Variants in PLEKHM1 observed in about 807,000 individuals in gnomAD.
The protein encoded by PLEKHM1 is pleckstrin homology and RUN domain containing M1, also known as pleckstrin homology domain-containing family M member 1.
In PLEKHM1, 28 loss-of-function variants were observed where a neutral mutation model predicts 94.3. That is an observed-to-expected ratio of 0.30 (90% CI 0.22 to 0.41). The LOEUF (loss-of-function observed/expected upper bound fraction) is 0.41. Ranked by LOEUF, PLEKHM1 falls within the 10% of genes least tolerant of loss-of-function variation. PLEKHM1 has a pLI of 1.00. For synonymous variants in PLEKHM1, 424 were observed against 581.2 expected (o/e 0.73, Z 3.89); for missense variants, 907 against 1,358.6 (o/e 0.67, Z 5.22).
chr17:45,478,608 T>C (rs1360384143), intron 2 of PLEKHM1, among the ~76,000 whole-genome samples: 1 of 152,118 alleles, frequency 6.6e-6, no homozygotes, highest in East Asian at 1.9e-4. Context: ...AAACAAACAA[T>C]AAACACCCAC....
In PLEKHM1 at chr17:45,445,454, C is replaced by A; in HGVS notation, c.2837+16G>T. ...GTGTACGTGCACTCACACGCATACA[C>A]GTAGAGGTTGCTCACCTCTTGCTGA... On this transcript the variant is annotated intron_variant, in intron 9 of 11. Transcript: ENST00000430334. This position sits in a 1 kb window ranked among gnomAD's most constrained non-coding sequence, Gnocchi z 4.2. 6.2e-7 allele frequency: 1 copy of A among 1,604,644 alleles called. No homozygotes were observed. Among genetic ancestry groups the A allele is most frequent in the Non-Finnish European group, 8.5e-7 (1 of 1,171,532 alleles).
chr17:45,440,359 T>A, intron 9 of PLEKHM1, 133 bp from the exon 10 acceptor site: 3 of 872,156 alleles, frequency 3.4e-6, no homozygotes, highest in East Asian at 2.5e-5. Context: ...GGGCTAGGAG[T>A]GTAATTCGGC....
Position 45,440,193 on chromosome 17 carries a change from C to G in PLEKHM1, c.2871G>C (p.Pro957=). The change falls in exon 10 of 12, where the codon CCG becomes CCC. Residue 957 remains proline (P), a synonymous_variant. Transcript: ENST00000430334. ...GGAGGTCAGCAACACTGAACCTATG[C>G]GGAGATTCCAAGAGATAATTCCTGT... The part of the protein sequence containing the change: ...LNHRNYLLES[P]HRFSVADLQQ... 1.9e-6 allele frequency: 3 copies of G among 1,614,158 alleles called. No homozygotes were observed. Among genetic ancestry groups the G allele is most frequent in the Non-Finnish European group, 2.5e-6 (3 of 1,179,994 alleles).
chr17:45,451,509 C>T lies in PLEKHM1; in HGVS notation c.2498-746G>A, dbSNP rs576898299. ...TTGGGACCAGAGGGCGGGTTCTGCTCCTCACCAGCTGCCTCACCCTGACCT... is the reference window on the plus strand; with the variant it reads ...TTGGGACCAGAGGGCGGGTTCTGCTTCTCACCAGCTGCCTCACCCTGACCT... On this transcript the variant is annotated intron_variant, in intron 7 of 11. Transcript: ENST00000430334. Among the ~76,000 whole-genome samples, 67 of 152,358 alleles carry T rather than the reference C, an allele frequency of 4.4e-4. 2 individuals carry two copies. The highest frequency in any genetic ancestry group is 1.6e-3 in the African/African-American group (65 of 41,590).
chr17:45,451,517 G>C (rs2050774686), intron 7 of PLEKHM1, among the ~76,000 whole-genome samples: 1 of 152,226 alleles, frequency 6.6e-6, no homozygotes. Context: ...CTCCTCACCA[G>C]CTGCCTCACC....
chr17:45,456,901 G>A lies in PLEKHM1; in HGVS notation c.1579+1268C>T, dbSNP rs2050968021. ...CCTTGCTGTAAAAAGCACTGGGGAGGTCGGGCATAGTGGCTCACACCTGTA... is the reference window on the plus strand; with the variant it reads ...CCTTGCTGTAAAAAGCACTGGGGAGATCGGGCATAGTGGCTCACACCTGTA... On this transcript the variant is annotated intron_variant, in intron 6 of 11. Coordinates refer to ENST00000430334, the MANE Select transcript of PLEKHM1 (RefSeq NM_014798.3). 2.0e-5 allele frequency among the ~76,000 whole-genome samples: 3 copies of A among 152,246 alleles called. No individual in the cohort carries two copies. The South Asian group carries it at 6.2e-4, about 32-fold the overall frequency.
At position 45,437,794 on chromosome 17, in the gene PLEKHM1, A is replaced by C; in HGVS notation, c.*64T>G. The C allele has an allele frequency of 7.6e-7, 1 of 1,314,386 alleles. No individual in the cohort carries two copies. The highest frequency in any genetic ancestry group is 1.2e-5 in the South Asian group (1 of 85,120). The allele number at this position is 1,314,386 out of a possible 1,614,324, so 81.4% of individuals were successfully genotyped here. A position where few individuals can be genotyped will look rare whatever the true frequency, so the allele number is the denominator to read the frequency against. On this transcript the variant is annotated 3_prime_UTR_variant, in exon 12 of 12. Coordinates refer to ENST00000430334, the MANE Select transcript of PLEKHM1 (RefSeq NM_014798.3). This position sits in a 1 kb window ranked among gnomAD's most constrained non-coding sequence, Gnocchi z 4.0. ...GGTGAGTATCCTGGGCTGATGGCAA[A>C]CCCAGCCGGGATGGCTGAGCCACAC...
chr17:45,443,752 T>C (rs1164429893), intron 9 of PLEKHM1, among the ~76,000 whole-genome samples: 3 of 152,046 alleles, frequency 2.0e-5, no homozygotes, highest in East Asian at 1.9e-4. Context: ...CCCCAGAGAT[T>C]TCACCACCTG....
chr17:45,436,964 C>T lies in PLEKHM1; in HGVS notation c.*894G>A, dbSNP rs1266281839. On this transcript the variant is annotated 3_prime_UTR_variant, in exon 12 of 12. Coordinates refer to ENST00000430334, the MANE Select transcript of PLEKHM1 (RefSeq NM_014798.3). ...ACCCACCAAGGTGGGCCTGGAGCAT[C>T]TGCAGCAGCGCCCCTGTCTGTAGAG... 2.2e-6 allele frequency: 1 copy of T among 448,152 alleles called. No individual in the cohort carries two copies. Among genetic ancestry groups the T allele is most frequent in the Admixed American group, 2.4e-5 (1 of 42,430 alleles). 27.8% of individuals were successfully genotyped at this position (448,152 alleles called of 1,614,324 possible). A position where few individuals can be genotyped will look rare whatever the true frequency, so the allele number is the denominator to read the frequency against.
intron 6 of PLEKHM1, 64 bp downstream of exon 6, chr17:45,458,105 G>C: frequency 7.1e-7 from 1 of 1,417,952 alleles, no homozygotes; most frequent in Non-Finnish European, 9.8e-7. Flanking sequence ...GAACTTCACA[G>C]CTGCCTTCTG....
At chr17:45,490,343 T>G (rs1282190279) in intron 1 of PLEKHM1, among the ~76,000 whole-genome samples, 4 of 151,590 alleles carry the variant, frequency 2.6e-5, no homozygotes, top group Admixed American at 2.6e-4. Context: ...CCGAGATCGG[T>G]GTTGGAACTG....
At chr17:45,439,936 T>G in intron 10 of PLEKHM1, 1 of 636,094 alleles carries the variant, frequency 1.6e-6, no homozygotes, top group South Asian at 1.9e-5. Context: ...CTCTTCCCTG[T>G]GATCCTGGGG....
rs773841664 is a variant in PLEKHM1, at chr17:45,477,967, T to G, written c.229A>C (p.Lys77Gln). ...GGCAGAGGCTTCTGGTGGGCACTTT[T>G]CTTCCTTTTTCCTCCGGCCTCAGCT... Reference protein sequence around the residue: ...IRAEAGGKRKKSAHQKPLPQP... With the variant: ...IRAEAGGKRKQSAHQKPLPQP... The change falls in exon 3 of 12, where the codon AAA (lysine) becomes CAA (glutamine). Residue 77 changes from lysine to glutamine, a missense_variant. This residue lies in a region of PLEKHM1 where 176 missense variants were observed against 306.0 expected (regional missense o/e 0.58). Coordinates refer to ENST00000430334, the MANE Select transcript of PLEKHM1 (RefSeq NM_014798.3). 2.5e-6 allele frequency: 4 copies of G among 1,614,054 alleles called. No homozygotes were observed. The Admixed American group carries it at 6.7e-5, about 27-fold the overall frequency.
At chr17:45,470,913 G>A (rs2051488712) in intron 4 of PLEKHM1, among the ~76,000 whole-genome samples, 1 of 151,874 alleles carries the variant, frequency 6.6e-6, no homozygotes, top group Non-Finnish European at 1.5e-5. Context: ...TGATCCGCCT[G>A]CTTTGGCCTC....
chr17:45,461,303 C>T (rs2684522), intron 5 of PLEKHM1, among the ~76,000 whole-genome samples: 2 of 152,216 alleles, frequency 1.3e-5, no homozygotes, highest in South Asian at 2.1e-4. Flanking sequence ...ATCAGATTTA[C>T]GATTTGCAAA....
chr17:45,468,764 C>A (rs2051405836), intron 4 of PLEKHM1, among the ~76,000 whole-genome samples, 171 bp from the exon 5 acceptor site: 1 of 152,188 alleles, frequency 6.6e-6, no homozygotes, highest in South Asian at 2.1e-4. Flanking sequence ...GACACTCCCA[C>A]CACGTTTTTC....
chr17:45,445,359 G>C lies in PLEKHM1; in HGVS notation c.2837+111C>G. ...TATAAATTTATGTGTGTGGGTATGTGTGCACATGTGTATGTGTGTCTGTGT... is the reference window on the plus strand; with the variant it reads ...TATAAATTTATGTGTGTGGGTATGTCTGCACATGTGTATGTGTGTCTGTGT... On this transcript the variant is annotated intron_variant, in intron 9 of 11. Transcript: ENST00000430334. The surrounding 1 kb of genome is among the most constrained non-coding windows in gnomAD (Gnocchi z 4.2). 1.2e-6 allele frequency: 1 copy of C among 809,536 alleles called. No individual in the cohort carries two copies. The highest frequency in any genetic ancestry group is 2.1e-6 in the Non-Finnish European group (1 of 480,250). The allele number at this position is 809,536 out of a possible 1,614,324, so 50.1% of individuals were successfully genotyped here.
intron 3 of PLEKHM1, chr17:45,477,420 C>T (rs529519347): frequency 4.8e-5 from 10 of 207,036 alleles, no homozygotes; most frequent in Middle Eastern, 2.3e-3. Flanking sequence ...AGTGACAGAG[C>T]GAAACTCCAT....
chr17:45,451,911 C>T (rs2050784574), intron 7 of PLEKHM1, among the ~76,000 whole-genome samples: 2 of 152,224 alleles, frequency 1.3e-5, no homozygotes, highest in Non-Finnish European at 2.9e-5. Context: ...GGGGAGAGGT[C>T]AAGCGAGGCT....
Sources: allele counts gnomAD v4.1 joint callset (sites outside exome capture counted in the v4.1 genomes callset), GRCh38; gene constraint gnomAD v4.1.1; regional missense constraint gnomAD v4.1.1; non-coding constraint Gnocchi (gnomAD v3.1); transcripts MANE v1.5; gene names NCBI Gene and HGNC (gene_info 2026-07-23, HGNC 2026-07-21).